Variants in DMD observed in about 807,000 individuals in gnomAD.
The protein encoded by DMD is dystrophin.
DMD carries 63 observed loss-of-function variants against 330.1 expected under a neutral mutation model. The ratio of observed to expected loss-of-function variants is 0.19; its 90% confidence interval spans 0.16 to 0.24. The LOEUF is 0.24. Among genes scored for constraint, DMD ranks in the 10% least tolerant of loss-of-function variants. The pLI, the probability that DMD is intolerant of heterozygous loss-of-function variation, is 1.00. For synonymous variants in DMD, 1,223 were observed against 959.8 expected, an observed-to-expected ratio of 1.27 and a Z score of -5.07; for missense variants, 3,344 against 2,684.1, an observed-to-expected ratio of 1.25 and a Z score of -5.43.
chrX:32,471,891 A>G, intron 22 of DMD, among the ~76,000 whole-genome samples: 1 of 112,198 alleles, frequency 8.9e-6, no homozygotes. Flanking sequence ...ATCAAAATCA[A>G]TACATCTGAA....
chrX:32,618,242 A>G (rs985794738), intron 11 of DMD, among the ~76,000 whole-genome samples: 2 of 112,349 alleles, frequency 1.8e-5, no homozygotes, highest in Non-Finnish European at 3.8e-5. Context: ...ACTATTCACA[A>G]TCACAAAGAC....
At chrX:31,572,158 T>C (rs146721894) in intron 55 of DMD, among the ~76,000 whole-genome samples, 1,602 of 111,034 alleles carry the variant, frequency 0.014, 28 homozygotes, top group African/African-American at 0.05. Context: ...ATGAAAAGAA[T>C]AGGAATAGAT....
chrX:32,945,030 C>T (rs1444613489), intron 2 of DMD, among the ~76,000 whole-genome samples: 1 of 111,145 alleles, frequency 9.0e-6, no homozygotes, highest in Non-Finnish European at 1.9e-5. Context: ...TAATTCTTGT[C>T]ACATCCAATG....
intron 13 of DMD, among the ~76,000 whole-genome samples, chrX:32,585,785 G>A (rs1299587563): frequency 6.6e-5 from 7 of 105,576 alleles, no homozygotes; most frequent in African/African-American, 2.1e-4. Flanking sequence ...TTTGTATGGT[G>A]GGTATTATGA....
chrX:32,757,436 C>T (rs762928530), intron 7 of DMD, among the ~76,000 whole-genome samples: 8 of 111,191 alleles, frequency 7.2e-5, no homozygotes, highest in Non-Finnish European at 1.1e-4. Context: ...ATTTTTCTTT[C>T]GATTCTGATA....
chrX:32,104,524 C>G (rs750712003), intron 44 of DMD, among the ~76,000 whole-genome samples: 5 of 111,375 alleles, frequency 4.5e-5, no homozygotes, highest in African/African-American at 1.3e-4. Flanking sequence ...TTTTTAGAAC[C>G]AACATTTAGT....
chrX:31,945,879 CTGTG>C (rs1437874816), intron 45 of DMD, among the ~76,000 whole-genome samples: 2 of 111,573 alleles, frequency 1.8e-5, no homozygotes, highest in Non-Finnish European at 3.8e-5. Flanking sequence ...TGTGTCTCCT[CTGTG>C]TGTATTTTTG....
chrX:32,007,975 G>A (rs1226669406), intron 44 of DMD, among the ~76,000 whole-genome samples: 1 of 110,728 alleles, frequency 9.0e-6, no homozygotes. Context: ...TGATATTTTG[G>A]CATATATGTA....
intron 43 of DMD, among the ~76,000 whole-genome samples, chrX:32,233,964 A>T (rs1206523724): frequency 1.8e-5 from 2 of 110,922 alleles, no homozygotes; most frequent in Non-Finnish European, 3.8e-5. Flanking sequence ...TTGTGCCAAA[A>T]TTGTATATAT....
At position 33,009,134 on chromosome X, in the gene DMD, ATATATATGTGTATATATACGTATATATG is replaced by A. The variant is rs1569548819; in HGVS notation, c.93+10977_93+11004del. On this transcript the variant is annotated intron_variant, in intron 2 of 78. Coordinates refer to ENST00000357033, the MANE Select transcript of DMD (RefSeq NM_004006.3). ...TATGTGTATATATACGTATATATGTATATATATGTGTATATATACGTATATATGTATATATATGTGTATATATACGTAT... is the reference window on the plus strand; with the variant it reads ...TATGTGTATATATACGTATATATGTATATATATATGTGTATATATACGTAT... Among the ~76,000 whole-genome samples the A allele has an allele frequency of 6.2e-4, 11 of 17,876 alleles. 3 individuals carry two copies. In the South Asian group the frequency reaches 0.019, roughly 30 times the overall value. The allele number at this position is 17,876 out of a possible 115,157, so 15.5% of individuals were successfully genotyped here.
rs147136371 is a variant in DMD, at chrX:32,595,825, G to A, written c.1534C>T (p.His512Tyr). The A allele has an allele frequency of 4.2e-6, 5 of 1,200,786 alleles. No homozygotes were observed. The highest frequency in any genetic ancestry group is 5.6e-6 in the Non-Finnish European group (5 of 886,786). The change falls in exon 13 of 79, where the codon CAC (histidine) becomes TAC (tyrosine). Residue 512 changes from histidine (H) to tyrosine (Y), a missense_variant. Coordinates refer to ENST00000357033, the MANE Select transcript of DMD (RefSeq NM_004006.3). ...QEQVRVNSLT[H>Y]MVVVVDESSG... ...GATTCATCAACTACCACCACCATGT[G>A]AGTGAGAGAATTGACCCTGACTTGT...
chrX:33,213,074 G>C (rs112629242), upstream of DMD, among the ~76,000 whole-genome samples: 204 of 111,393 alleles, frequency 1.8e-3, 1 homozygote, highest in Non-Finnish European at 3.0e-3. Context: ...GGGAACTTCT[G>C]AGAAATGCAA....
chrX:31,179,323 G>A (rs747622721), intron 69 of DMD, among the ~76,000 whole-genome samples: 1 of 112,748 alleles, frequency 8.9e-6, no homozygotes, highest in African/African-American at 3.2e-5. Context: ...ATGGAAGAGA[G>A]AGATGCTCTA....
intron 62 of DMD, chrX:31,266,676 CGCCCAGCCGCCCGGCGCCCCGG>C (rs2051155869): frequency 6.1e-6 from 4 of 651,435 alleles, no homozygotes; most frequent in South Asian, 2.4e-5. Context: ...GGTTCCTAGA[CGCCCAGCCGCCCGGCGCCCCGG>C]GTCCAGCCGC....
intron 44 of DMD, among the ~76,000 whole-genome samples, chrX:32,120,189 A>G (rs1330517159): frequency 8.9e-6 from 1 of 112,340 alleles, no homozygotes; most frequent in Non-Finnish European, 1.9e-5. Flanking sequence ...GGGATTCAGA[A>G]GAATTCCAAC....
At chrX:33,048,119 T>G (rs2094407500) in intron 1 of DMD, among the ~76,000 whole-genome samples, 1 of 112,399 alleles carries the variant, frequency 8.9e-6, no homozygotes, top group African/African-American at 3.2e-5. Context: ...TAGAATTCTT[T>G]AGAATAATTC....
intron 60 of DMD, among the ~76,000 whole-genome samples, chrX:31,409,206 C>G (rs1184428236): frequency 8.9e-6 from 1 of 112,039 alleles, no homozygotes; most frequent in Admixed American, 9.5e-5. Flanking sequence ...CTTTCCCATC[C>G]AAGGAAAGGT....
At chrX:32,613,999 G>T (rs2057373694) in intron 12 of DMD, among the ~76,000 whole-genome samples, 1 of 110,184 alleles carries the variant, frequency 9.1e-6, no homozygotes, top group African/African-American at 3.3e-5. Flanking sequence ...CAAGAGATAG[G>T]AGAACACTGT....
At chrX:32,283,178 T>A (rs1400668572) in intron 43 of DMD, among the ~76,000 whole-genome samples, 1 of 111,516 alleles carries the variant, frequency 9.0e-6, no homozygotes, top group Non-Finnish European at 1.9e-5. Context: ...TCATGGAACC[T>A]AGCTCTACTA....
Sources: allele counts gnomAD v4.1 joint callset (sites outside exome capture counted in the v4.1 genomes callset), GRCh38; gene constraint gnomAD v4.1.1; transcripts MANE v1.5; gene names NCBI Gene and HGNC (gene_info 2026-07-23, HGNC 2026-07-21).